ZNF716: variants seen among roughly 807,000 people sequenced by gnomAD.
ZNF716 encodes zinc finger protein 716.
A neutral mutation model predicts 13.4 loss-of-function variants in ZNF716; 9 were observed. That is an observed-to-expected ratio of 0.67 (90% CI 0.41 to 1.18). The LOEUF is 1.18. Ranked by LOEUF, ZNF716 falls within the 50% of genes most tolerant of loss-of-function variation. ZNF716 has a pLI of 0.01. For synonymous variants in ZNF716, 186 were observed against 195.2 expected (o/e 0.95, Z 0.39); for missense variants, 581 against 576.6 (o/e 1.01, Z -0.08).
intron 3 of ZNF716, among the ~76,000 whole-genome samples, chr7:57,465,991 C>T (rs1554324024): frequency 6.6e-6 from 1 of 150,764 alleles, no homozygotes; most frequent in African/African-American, 2.4e-5. Context: ...ACAATGAGAA[C>T]ACATGGACAC....
In ZNF716 at chr7:57,462,461, G is replaced by T. The variant is rs781983140; in HGVS notation, c.41G>T (p.Gly14Val). 4.3e-6 allele frequency: 7 copies of T among 1,613,438 alleles called. No homozygotes were observed. Among genetic ancestry groups the T allele is most frequent in the East Asian group, 2.2e-5 (1 of 44,838 alleles). ...TGTTTGTTTATTTTTTGTTTTTAGG[G>T]ACTGTTGACATTCAGAGACATAGCT... ...RPGPPGSREM[G>V]LLTFRDIAIE... The change falls in exon 2 of 4, where the codon GGA (glycine) becomes GTA (valine). Residue 14 changes from glycine (G) to valine (V), a missense_variant and splice_region_variant. Transcript: ENST00000420713.
intron 1 of ZNF716, among the ~76,000 whole-genome samples, chr7:57,457,544 A>G (rs1554322308): frequency 1.3e-5 from 2 of 152,036 alleles, no homozygotes; most frequent in African/African-American, 4.8e-5. Flanking sequence ...AGGTTTCACA[A>G]TGGTGGCCAG....
At chr7:57,454,475 G>A (rs1789551411) in intron 1 of ZNF716, among the ~76,000 whole-genome samples, 1 of 152,146 alleles carries the variant, frequency 6.6e-6, no homozygotes. Context: ...TGCAAAAGGA[G>A]ATTATTGAAG....
In ZNF716 at chr7:57,470,054, A is replaced by G; in HGVS notation, c.*105A>G. On this transcript the variant is annotated 3_prime_UTR_variant, in exon 4 of 4. Coordinates refer to ENST00000420713, the MANE Select transcript of ZNF716 (RefSeq NM_001159279.1). ...GTGGCCAATTCTTTAACCAGTTCCA[A>G]ACCACTGCTGTCCATAAGATAATTC... The G allele has an allele frequency of 1.8e-6, 2 of 1,085,546 alleles. No individual in the cohort carries two copies. The highest frequency in any genetic ancestry group is 3.5e-5 in the South Asian group (2 of 56,382). The allele number at this position is 1,085,546 out of a possible 1,614,324, so 67.2% of individuals were successfully genotyped here.
At chr7:57,466,219 C>G (rs571789560) in intron 3 of ZNF716, among the ~76,000 whole-genome samples, 1 of 152,056 alleles carries the variant, frequency 6.6e-6, no homozygotes. Context: ...TGATTAAAAA[C>G]AACATATTAT....
chr7:57,454,591 AC>A (rs1172769378), intron 1 of ZNF716, among the ~76,000 whole-genome samples: 4 of 152,242 alleles, frequency 2.6e-5, no homozygotes, highest in Non-Finnish European at 5.9e-5. Context: ...AGGCAGGGAA[AC>A]CTGGGGACCC....
chr7:57,451,463 T>TC, intron 1 of ZNF716, among the ~76,000 whole-genome samples: 1 of 146,620 alleles, frequency 6.8e-6, no homozygotes, highest in South Asian at 2.2e-4. Flanking sequence ...TTTTTTTTTT[T>TC]TTGAGATAGA....
At chr7:57,458,407 A>C (rs1189321233) in intron 1 of ZNF716, among the ~76,000 whole-genome samples, 1 of 149,886 alleles carries the variant, frequency 6.7e-6, no homozygotes, top group African/African-American at 2.4e-5. Flanking sequence ...GTTTTGTTGA[A>C]CTTTTTTTTT....
chr7:57,465,487 G>A (rs1286748350), intron 3 of ZNF716, among the ~76,000 whole-genome samples: 1 of 151,930 alleles, frequency 6.6e-6, no homozygotes, highest in African/African-American at 2.4e-5. Context: ...TGAGTAGCTG[G>A]CACTACAGAC....
Position 57,463,102 on chromosome 7 carries a change from A to AGGG in ZNF716, c.196_197insGGG (p.Thr66delinsArgAla). 1 of 1,610,674 alleles carries AGGG rather than the reference A, an allele frequency of 6.2e-7. No individual in the cohort carries two copies. The highest frequency in any genetic ancestry group is 8.5e-7 in the Non-Finnish European group (1 of 1,179,954). On this transcript the variant is annotated protein_altering_variant, in exon 3 of 4. Coordinates refer to ENST00000420713, the MANE Select transcript of ZNF716 (RefSeq NM_001159279.1). ...TGCTGTCTCTAAGCCAGACTTGATC[A>AGGG]CCTGTCTGGAGCAAAATAAAGAGCC...
chr7:57,469,879 T>C lies in ZNF716; in HGVS notation c.1418T>C (p.Phe473Ser), dbSNP rs1554324980. 2 of 1,595,598 alleles carry C rather than the reference T, an allele frequency of 1.3e-6. No individual in the cohort carries two copies. Among genetic ancestry groups the C allele is most frequent in the African/African-American group, 2.7e-5 (2 of 74,248 alleles). The change falls in exon 4 of 4, where the codon TTT (phenylalanine) becomes TCT (serine). Residue 473 changes from phenylalanine (F) to serine (S), a missense_variant. Transcript: ENST00000420713. ...PYKCEECDQTFKWHSSLANHK... is the reference protein window; with the variant it reads ...PYKCEECDQTSKWHSSLANHK... ...AAATGTGAAGAATGTGACCAAACTT[T>C]TAAGTGGCATTCAAGTCTTGCTAAT...
Position 57,469,462 on chromosome 7 carries a change from G to T in ZNF716, c.1001G>T (p.Ser334Ile). 6.2e-7 allele frequency: 1 copy of T among 1,611,822 alleles called. No homozygotes were observed. ...YKCEECGKAF[S>I]LSSTLKKHKI... is the part of the protein sequence containing the mutation. The stretch of plus-strand genomic sequence containing the variant: ...TGTGAAGAATGTGGCAAAGCCTTTA[G>T]CTTATCCTCAACCCTTAAGAAACAT... The change falls in exon 4 of 4, where the codon AGC becomes ATC. Residue 334 changes from serine (S) to isoleucine (I), a missense_variant. Ser to Ile is a moderately radical substitution (Grantham distance 142). Transcript: ENST00000420713.
In ZNF716 at chr7:57,469,634, A is replaced by G. The variant is rs1175928849; in HGVS notation, c.1173A>G (p.Leu391=). Residue 391 remains leucine (L), a synonymous_variant, in exon 4 of 4, where the codon TTA becomes TTG. Transcript: ENST00000420713. ...TCEECGKAFS[L]PSTFTYHKRT... ...AAGAATGTGGCAAAGCCTTTAGCTT[A>G]CCCTCAACCTTCACTTACCACAAGA... 6 of 1,608,646 alleles carry G rather than the reference A, an allele frequency of 3.7e-6. No individual in the cohort carries two copies. The highest frequency in any genetic ancestry group is 4.2e-6 in the Non-Finnish European group (5 of 1,178,996).
In ZNF716 at chr7:57,470,732, A is replaced by T. The variant is rs1789916069; in HGVS notation, c.*783A>T. Reference sequence around the variant, plus strand: ...CCTGCAATTGTAAAAAAAAAAAAAAATGTGGCAAAGCTTTTAACTGGTTCT... The same window carrying T: ...CCTGCAATTGTAAAAAAAAAAAAAATTGTGGCAAAGCTTTTAACTGGTTCT... On this transcript the variant is annotated 3_prime_UTR_variant, in exon 4 of 4. Coordinates refer to ENST00000420713, the MANE Select transcript of ZNF716 (RefSeq NM_001159279.1). 1 of 143,260 alleles carries T rather than the reference A, an allele frequency of 7.0e-6. No homozygotes were observed. 8.9% of individuals were successfully genotyped at this position (143,260 alleles called of 1,614,324 possible). A position where few individuals can be genotyped will look rare whatever the true frequency, so the allele number is the denominator to read the frequency against.
rs1287787934 is a variant in ZNF716 at position 57,471,435 on chromosome 7, A to C, written c.*1486A>C. Reference sequence around the variant, plus strand: ...ATCTTAAAAAAAAAAAAAAAGCGTAAATGTGATTACTGTAAAAAGACCTTT... The same window carrying C: ...ATCTTAAAAAAAAAAAAAAAGCGTACATGTGATTACTGTAAAAAGACCTTT... On this transcript the variant is annotated 3_prime_UTR_variant, in exon 4 of 4. Coordinates refer to ENST00000420713, the MANE Select transcript of ZNF716 (RefSeq NM_001159279.1). 1 of 151,930 alleles carries C rather than the reference A, an allele frequency of 6.6e-6. No individual in the cohort carries two copies. The highest frequency in any genetic ancestry group is 2.4e-5 in the African/African-American group (1 of 41,380). The allele number at this position is 151,930 out of a possible 1,614,324, so 9.4% of individuals were successfully genotyped here. A position where few individuals can be genotyped will look rare whatever the true frequency, so the allele number is the denominator to read the frequency against.
At chr7:57,463,663 A>G (rs1181816479) in intron 3 of ZNF716, among the ~76,000 whole-genome samples, 1 of 151,260 alleles carries the variant, frequency 6.6e-6, no homozygotes, top group Admixed American at 6.6e-5. Context: ...TTTATTTTTA[A>G]ATTTTTATCC....
chr7:57,464,838 T>C (rs555933109), intron 3 of ZNF716, among the ~76,000 whole-genome samples: 27 of 152,350 alleles, frequency 1.8e-4, no homozygotes, highest in Middle Eastern at 3.4e-3. Context: ...GATTTTATTT[T>C]CTGCATTGTC....
At chr7:57,463,289 G>A in intron 3 of ZNF716, 121 bp downstream of exon 3, 2 of 1,378,390 alleles carry the variant, frequency 1.5e-6, no homozygotes, top group East Asian at 4.6e-5. Context: ...TGAGAAGCCA[G>A]AGTCATTTTT....
Position 57,450,305 on chromosome 7 carries a change from G to A in ZNF716, c.17G>A (p.Gly6Glu), listed in dbSNP as rs781904425. 6.2e-7 allele frequency: 1 copy of A among 1,613,996 alleles called. No homozygotes were observed. Among genetic ancestry groups the A allele is most frequent in the South Asian group, 1.1e-5 (1 of 91,082 alleles). ...CGCAGATTTATGGCTAAAAGACCGG[G>A]ACCCCCTGGAAGCCGAGAAATGGTG... is the stretch of plus-strand genomic sequence containing the variant. MAKRP[G>E]PPGSREMGLL... The change falls in exon 1 of 4, where the codon GGA (glycine) becomes GAA (glutamate). Residue 6 changes from glycine to glutamate, a missense_variant. Coordinates refer to ENST00000420713, the MANE Select transcript of ZNF716 (RefSeq NM_001159279.1).
Sources: allele counts gnomAD v4.1 joint callset (sites outside exome capture counted in the v4.1 genomes callset), GRCh38; gene constraint gnomAD v4.1.1; transcripts MANE v1.5; gene names NCBI Gene and HGNC (gene_info 2026-07-23, HGNC 2026-07-21).